SEMA3E: variants seen among roughly 807,000 people sequenced by gnomAD.
SEMA3E encodes semaphorin-3E.
A neutral mutation model predicts 93.6 loss-of-function variants in SEMA3E; 49 were observed. That is an observed-to-expected ratio of 0.52 (90% CI 0.42 to 0.66). The LOEUF (loss-of-function observed/expected upper bound fraction) is 0.66. Among genes scored for constraint, SEMA3E ranks in the 30% least tolerant of loss-of-function variants. The pLI, the probability that SEMA3E is intolerant of heterozygous loss-of-function variation, is 0.00. For missense variants in SEMA3E, 906 were observed against 964.8 expected, an observed-to-expected ratio of 0.94 and a Z score of 0.81; for synonymous variants, 363 against 330.7, an observed-to-expected ratio of 1.10 and a Z score of -1.06.
intron 1 of SEMA3E, among the ~76,000 whole-genome samples, chr7:83,617,548 T>TATA (rs1793403419): frequency 6.8e-6 from 1 of 146,358 alleles, no homozygotes; most frequent in African/African-American, 2.5e-5. Context: ...ATAAGTAATA[T>TATA]ATAATTTTAT....
intron 4 of SEMA3E, among the ~76,000 whole-genome samples, chr7:83,444,880 A>T (rs1427027520): frequency 1.3e-5 from 2 of 152,176 alleles, no homozygotes; most frequent in Non-Finnish European, 2.9e-5. Context: ...CACGTTGGCC[A>T]GGCTGGTCTC....
chr7:83,568,291 A>G (rs1792204306), intron 1 of SEMA3E, among the ~76,000 whole-genome samples: 2 of 152,280 alleles, frequency 1.3e-5, no homozygotes, highest in Admixed American at 6.5e-5. Context: ...GCCAAATTCT[A>G]TCAAATGGGT....
chr7:83,609,920 A>C (rs1793215287), intron 1 of SEMA3E, among the ~76,000 whole-genome samples: 1 of 151,978 alleles, frequency 6.6e-6, no homozygotes, highest in South Asian at 2.1e-4. Context: ...ATTATGGACA[A>C]TAGGATTTCT....
chr7:83,511,258 T>C (rs1790811499), intron 1 of SEMA3E, among the ~76,000 whole-genome samples: 1 of 150,976 alleles, frequency 6.6e-6, no homozygotes, highest in Admixed American at 6.6e-5. Flanking sequence ...TACAAATGAA[T>C]GCCTTCTTTG....
At chr7:83,642,498 G>A (rs1057399720) in intron 1 of SEMA3E, among the ~76,000 whole-genome samples, 2 of 152,076 alleles carry the variant, frequency 1.3e-5, no homozygotes, top group Non-Finnish European at 2.9e-5. Flanking sequence ...GACATGTCCT[G>A]TTCATTCCTA....
At chr7:83,634,261 A>G (rs540483514) in intron 1 of SEMA3E, among the ~76,000 whole-genome samples, 260 of 152,302 alleles carry the variant, frequency 1.7e-3, no homozygotes, top group African/African-American at 6.1e-3. Context: ...GAAGGCATCT[A>G]ACGTGTTTCT....
chr7:83,617,603 T>C (rs1207083144), intron 1 of SEMA3E, among the ~76,000 whole-genome samples: 4 of 127,986 alleles, frequency 3.1e-5, no homozygotes, highest in African/African-American at 1.1e-4. Flanking sequence ...AAATTTTATA[T>C]AAGTAATATA....
chr7:83,627,326 G>T (rs1793689231), intron 1 of SEMA3E, among the ~76,000 whole-genome samples: 1 of 152,080 alleles, frequency 6.6e-6, no homozygotes, highest in Non-Finnish European at 1.5e-5. Flanking sequence ...CACTATTATT[G>T]TGTGGGAGTC....
At chr7:83,558,610 T>C (rs1791966993) in intron 1 of SEMA3E, among the ~76,000 whole-genome samples, 1 of 152,080 alleles carries the variant, frequency 6.6e-6, no homozygotes, top group South Asian at 2.1e-4. Context: ...TCCAGATGCA[T>C]TTTTAAAATT....
chr7:83,392,746 T>C, intron 13 of SEMA3E, 25 bp from the exon 14 acceptor site: 2 of 1,611,774 alleles, frequency 1.2e-6, no homozygotes, highest in Middle Eastern at 1.7e-4. Context: ...AAGAGGTCAC[T>C]AGCAGAAATG....
At chr7:83,476,747 G>C (rs138680516) in intron 2 of SEMA3E, among the ~76,000 whole-genome samples, 1 of 152,118 alleles carries the variant, frequency 6.6e-6, no homozygotes, top group East Asian at 1.9e-4. Flanking sequence ...CTGCTCCAGA[G>C]TTTAGCATCA....
At chr7:83,617,449 T>TTATATAAATAATATATAATTG (rs1793394748) in intron 1 of SEMA3E, among the ~76,000 whole-genome samples, 3 of 127,976 alleles carry the variant, frequency 2.3e-5, no homozygotes, top group African/African-American at 8.3e-5. Context: ...TATATAAATT[T>TTATATAAATAATATATAATTG]TATATAAATA....
intron 1 of SEMA3E, among the ~76,000 whole-genome samples, chr7:83,553,933 A>G (rs1791829158): frequency 6.6e-6 from 1 of 152,116 alleles, no homozygotes; most frequent in Non-Finnish European, 1.5e-5. Flanking sequence ...CTATCATTCA[A>G]ATCTAAATGT....
chr7:83,579,624 A>G (rs933418638), intron 1 of SEMA3E, among the ~76,000 whole-genome samples: 1 of 152,140 alleles, frequency 6.6e-6, no homozygotes, highest in African/African-American at 2.4e-5. Flanking sequence ...TGCTAGGTCA[A>G]TGCAAAATGG....
At chr7:83,474,347 C>T (rs1000746536) in intron 2 of SEMA3E, among the ~76,000 whole-genome samples, 7 of 151,768 alleles carry the variant, frequency 4.6e-5, no homozygotes, top group East Asian at 1.9e-4. Flanking sequence ...GAAACAAGCA[C>T]TCTATGTTTT....
chr7:83,533,454 G>A (rs1338340187), intron 1 of SEMA3E, among the ~76,000 whole-genome samples: 1 of 152,140 alleles, frequency 6.6e-6, no homozygotes, highest in Non-Finnish European at 1.5e-5. Context: ...TGAGGCAGGA[G>A]AATGGCTTGA....
chr7:83,408,127 T>C (rs976918822), intron 6 of SEMA3E, among the ~76,000 whole-genome samples: 2 of 152,206 alleles, frequency 1.3e-5, no homozygotes, highest in African/African-American at 2.4e-5. Flanking sequence ...ATTCAAATAC[T>C]GATTTCTAAG....
rs528886643 is a variant in SEMA3E at position 83,600,583 on chromosome 7, G to A, written c.115+47845C>T. ...AGGATGGTCTGGATCTCCTGACCTC[G>A]TGATCCGCCCTCCTCGGCCTCCCAA... On this transcript the variant is annotated intron_variant, in intron 1 of 16. Transcript: ENST00000643230. 1.5e-3 allele frequency among the ~76,000 whole-genome samples: 215 copies of A among 138,862 alleles called. 2 individuals are homozygous for A. The highest frequency in any genetic ancestry group is 5.5e-3 in the African/African-American group (199 of 36,412). 91.1% of individuals were successfully genotyped at this position (138,862 alleles called of 152,430 possible).
intron 4 of SEMA3E, among the ~76,000 whole-genome samples, chr7:83,460,210 C>G (rs375076609): frequency 1.3e-5 from 2 of 152,166 alleles, no homozygotes; most frequent in East Asian, 3.9e-4. Context: ...GATCCACCTA[C>G]GACCTCAGGT....
Sources: allele counts gnomAD v4.1 joint callset (sites outside exome capture counted in the v4.1 genomes callset), GRCh38; gene constraint gnomAD v4.1.1; transcripts MANE v1.5; gene names NCBI Gene and HGNC (gene_info 2026-07-23, HGNC 2026-07-21).